SMCO2: variants seen among roughly 807,000 people sequenced by gnomAD.
The protein encoded by SMCO2 is single-pass membrane and coiled-coil domain-containing protein 2.
Under a neutral mutation model 29.5 loss-of-function variants are expected in SMCO2, and 25 were observed. The observed-to-expected ratio is 0.85, with a 90% confidence interval of 0.62 to 1.18. SMCO2 has a LOEUF of 1.18. Among genes scored for constraint, SMCO2 ranks in the 50% most tolerant of loss-of-function variants. The pLI, the probability that SMCO2 is intolerant of heterozygous loss-of-function variation, is 0.00. For missense variants in SMCO2, 348 were observed against 344.5 expected (o/e 1.01, Z -0.08); for synonymous variants, 117 against 123.3 (o/e 0.95, Z 0.34).
intron 4 of SMCO2, 54 bp downstream of exon 5, chr12:27,475,785 T>C: frequency 1.5e-6 from 2 of 1,376,166 alleles, no homozygotes; most frequent in Non-Finnish European, 1.9e-6. Flanking sequence ...TTCATAGCTT[T>C]AAAAATTTAA....
the SMCO2 span, among the ~76,000 whole-genome samples, chr12:27,454,282 C>A: frequency 1.3e-5 from 2 of 152,312 alleles, no homozygotes; most frequent in South Asian, 2.1e-4. Flanking sequence ...CCATGCCTGG[C>A]CCTCTCTGTG....
At chr12:27,458,686 G>C in the SMCO2 span, among the ~76,000 whole-genome samples, 3 of 151,684 alleles carry the variant, frequency 2.0e-5, no homozygotes, top group Admixed American at 2.0e-4. Context: ...AGGAGTTCGA[G>C]ACCAGCCTGG....
At chr12:27,488,398 T>C in intron 4 of SMCO2, 62 bp from the exon 6 acceptor site, 4 of 1,154,408 alleles carry the variant, frequency 3.5e-6, no homozygotes, top group African/African-American at 1.6e-5. Context: ...AGATCAAAAT[T>C]ACCTCCTCTC....
chr12:27,437,398 G>A, the SMCO2 span, among the ~76,000 whole-genome samples: 1 of 152,058 alleles, frequency 6.6e-6, no homozygotes, highest in African/African-American at 2.4e-5. Context: ...CATTGACGAT[G>A]TCCAGTTTGG....
chr12:27,474,840 C>A, exon 4 of SMCO2: 1 of 1,551,616 alleles, frequency 6.4e-7, no homozygotes, highest in East Asian at 2.4e-5. Flanking sequence ...ACAGGATAAG[C>A]AAGAAACAGA....
At chr12:27,463,701 GACTA>G (rs1451990964), upstream of SMCO2, among the ~76,000 whole-genome samples, 2 of 152,180 alleles carry the variant, frequency 1.3e-5, no homozygotes, top group African/African-American at 4.8e-5. Context: ...GAAATTGGAT[GACTA>G]ACAGCTCTCA....
chr12:27,442,534 A>G, the SMCO2 span, among the ~76,000 whole-genome samples: 1 of 152,180 alleles, frequency 6.6e-6, no homozygotes, highest in Admixed American at 6.5e-5. Context: ...CCAATAATCC[A>G]AGCCATAATA....
rs1943079845 is a variant in SMCO2 at position 27,501,634 on chromosome 12, G to T, written c.684-289G>T. Among the ~76,000 whole-genome samples, 2 of 150,132 alleles carry T rather than the reference G, an allele frequency of 1.3e-5. 1 individual carries two copies. Among genetic ancestry groups the T allele is most frequent in the Non-Finnish European group, 2.9e-5 (2 of 67,840 alleles). On this transcript the variant is annotated intron_variant, in intron 7 of 7. Coordinates refer to ENST00000298876, the Ensembl canonical transcript of SMCO2. ...ATACATCATGAGTGAGGTAAAGATT[G>T]CAATAACCTGCTAGGATGTGAGAAG...
At chr12:27,500,313 C>T (rs532026016) in intron 7 of SMCO2, among the ~76,000 whole-genome samples, 19 of 148,652 alleles carry the variant, frequency 1.3e-4, no homozygotes, top group Non-Finnish European at 2.7e-4. Context: ...GAGTATTTAC[C>T]GTAGGACAGA....
chr12:27,460,199 T>A, the SMCO2 span, among the ~76,000 whole-genome samples: 1 of 152,296 alleles, frequency 6.6e-6, no homozygotes, highest in African/African-American at 2.4e-5. Context: ...GAGAATTAAA[T>A]GAGTTAATAT....
the SMCO2 span, among the ~76,000 whole-genome samples, chr12:27,434,684 T>G: frequency 6.6e-6 from 1 of 152,186 alleles, no homozygotes; most frequent in African/African-American, 2.4e-5. Context: ...CAAAGTTGAC[T>G]AGTAATATCT....
chr12:27,466,298 G>C (rs1949497956), upstream of SMCO2, among the ~76,000 whole-genome samples: 1 of 152,156 alleles, frequency 6.6e-6, no homozygotes, highest in African/African-American at 2.4e-5. Flanking sequence ...TGTAATCCCA[G>C]CTACTCAGGA....
At chr12:27,465,247 T>G (rs186544603), upstream of SMCO2, among the ~76,000 whole-genome samples, 1 of 152,156 alleles carries the variant, frequency 6.6e-6, no homozygotes, top group Non-Finnish European at 1.5e-5. Flanking sequence ...AGGTAATATA[T>G]GTAAAACACT....
intron 2 of SMCO2, 141 bp downstream of exon 2, chr12:27,470,906 C>G: frequency 9.6e-7 from 1 of 1,044,968 alleles, no homozygotes; most frequent in South Asian, 1.9e-5. Flanking sequence ...TAATTTTAAT[C>G]TCATGAATAT....
At chr12:27,475,687 C>T (rs1418817705) in intron 4 of SMCO2, 1 of 1,547,816 alleles carries the variant, frequency 6.5e-7, no homozygotes, top group East Asian at 2.5e-5. Context: ...AGAAAATTGA[C>T]AATATTATTA....
chr12:27,485,338 GT>G (rs1192952805), intron 4 of SMCO2, among the ~76,000 whole-genome samples: 6 of 150,860 alleles, frequency 4.0e-5, no homozygotes, highest in Non-Finnish European at 7.4e-5. Context: ...ATGTACTCAT[GT>G]TTTTCTCTAC....
chr12:27,481,604 G>T (rs897990763), intron 4 of SMCO2, among the ~76,000 whole-genome samples: 17 of 152,124 alleles, frequency 1.1e-4, no homozygotes, highest in Non-Finnish European at 1.9e-4. Context: ...GTATTGCCTG[G>T]AAATTTCTTT....
intron 2 of SMCO2, among the ~76,000 whole-genome samples, chr12:27,471,318 G>T (rs1949539257): frequency 6.6e-6 from 1 of 152,052 alleles, no homozygotes; most frequent in African/African-American, 2.4e-5. Context: ...GTAAACTTTG[G>T]GCAGTTTTTC....
chr12:27,453,850 C>A, the SMCO2 span, among the ~76,000 whole-genome samples: 1 of 152,044 alleles, frequency 6.6e-6, no homozygotes, highest in Non-Finnish European at 1.5e-5. Context: ...TAAGACTTGC[C>A]AAACTTATTG....
Sources: gnomAD v4.1 joint callset for allele counts (sites outside exome capture counted in the v4.1 genomes callset) on GRCh38, gnomAD v4.1.1 for gene constraint, MANE v1.5 for transcripts, NCBI Gene and HGNC (gene_info 2026-07-23, HGNC 2026-07-21) for gene names.